The following CCDC171 variants were observed in gnomAD, a reference collection of about 807,000 sequenced individuals.
The protein encoded by CCDC171 is coiled-coil domain-containing protein 171.
A neutral mutation model predicts 168.2 loss-of-function variants in CCDC171; 177 were observed. That is an observed-to-expected ratio of 1.05 (90% confidence interval 0.93 to 1.19). The LOEUF (loss-of-function observed/expected upper bound fraction) is 1.19, where lower values mean the gene tolerates loss of function less well. Ranked by LOEUF, CCDC171 falls within the 50% of genes most tolerant of loss-of-function variation. The pLI is 0.00. For synonymous variants in CCDC171, 687 were observed against 540.8 expected, an observed-to-expected ratio of 1.27 and a Z score of -3.75; for missense variants, 1,991 against 1,539.0, an observed-to-expected ratio of 1.29 and a Z score of -4.91.
chr9:15,697,511 A>T lies in CCDC171; in HGVS notation c.1318+2174A>T, dbSNP rs144830346. Among the ~76,000 whole-genome samples, 234 of 152,274 alleles carry T rather than the reference A, an allele frequency of 1.5e-3. 1 individual carries two copies. The highest frequency in any genetic ancestry group is 4.8e-3 in the African/African-American group (198 of 41,546). On this transcript the variant is annotated intron_variant, in intron 11 of 25. Coordinates refer to ENST00000380701, the MANE Select transcript of CCDC171 (RefSeq NM_173550.4). ...CATTCCTCCTATTGGCTTGCATAAA[A>T]CAGCTCTGTGCCTTTATAATGGACT...
chr9:16,009,843 GA>G (rs1009350613), intron 3 of CCDC171, among the ~76,000 whole-genome samples: 15 of 151,906 alleles, frequency 9.9e-5, no homozygotes, highest in African/African-American at 1.9e-4. Flanking sequence ...TAAATTTGAG[GA>G]AAAAAATAAA....
At chr9:15,901,533 A>G (rs1010427617) in intron 24 of CCDC171, among the ~76,000 whole-genome samples, 1 of 152,234 alleles carries the variant, frequency 6.6e-6, no homozygotes, top group Non-Finnish European at 1.5e-5. Flanking sequence ...AAAAGTAAAT[A>G]TACCATAAAA....
chr9:15,811,048 G>GAAAAA (rs1347484007), intron 21 of CCDC171, among the ~76,000 whole-genome samples: 1 of 152,234 alleles, frequency 6.6e-6, no homozygotes, highest in Non-Finnish European at 1.5e-5. Flanking sequence ...TATCATTACA[G>GAAAAA]AAAATTCTGT....
At chr9:16,057,171 T>A (rs1833854220) in intron 1 of CCDC171, among the ~76,000 whole-genome samples, 2 of 152,308 alleles carry the variant, frequency 1.3e-5, no homozygotes, top group East Asian at 3.9e-4. Flanking sequence ...TCATATCATG[T>A]GAGTAATGTT....
intron 6 of CCDC171, among the ~76,000 whole-genome samples, chr9:15,608,336 C>T (rs762609837): frequency 1.3e-5 from 2 of 152,194 alleles, no homozygotes; most frequent in African/African-American, 2.4e-5. Flanking sequence ...TTATTACAGA[C>T]AGTGATTCCA....
At chr9:15,588,873 A>G (rs2041783241) in intron 4 of CCDC171, among the ~76,000 whole-genome samples, 1 of 151,442 alleles carries the variant, frequency 6.6e-6, no homozygotes, top group East Asian at 2.0e-4. Flanking sequence ...ACGCCCGGCT[A>G]ATTTTTTGTA....
chr9:15,897,538 T>A (rs2891008), intron 24 of CCDC171, among the ~76,000 whole-genome samples: 74,388 of 151,932 alleles, frequency 0.49, 19,730 homozygotes, highest in East Asian at 0.8. Context: ...TGAAGTTCTT[T>A]TATTTGAAAT....
intron 25 of CCDC171, among the ~76,000 whole-genome samples, chr9:15,946,552 T>A (rs1828409833): frequency 6.6e-6 from 1 of 152,020 alleles, no homozygotes; most frequent in South Asian, 2.1e-4. Flanking sequence ...CATTCCATGC[T>A]CATGGGTAGG....
intron 1 of CCDC171, among the ~76,000 whole-genome samples, chr9:16,048,490 AC>A (rs1455584034): frequency 6.6e-6 from 1 of 152,146 alleles, no homozygotes; most frequent in Non-Finnish European, 1.5e-5. Context: ...TACTTCAGTA[AC>A]AGTGACAACC....
intron 3 of CCDC171, among the ~76,000 whole-genome samples, chr9:16,008,045 A>G (rs937553263): frequency 6.6e-6 from 1 of 152,126 alleles, no homozygotes. Context: ...TTACTTCTTT[A>G]TAGTGTCCTT....
intron 3 of CCDC171, among the ~76,000 whole-genome samples, chr9:16,003,591 G>T (rs1832615894): frequency 6.6e-6 from 1 of 152,152 alleles, no homozygotes; most frequent in Admixed American, 6.5e-5. Context: ...CACATTTTCT[G>T]AATATATAAA....
In CCDC171 at chr9:15,749,680, G is replaced by A. The variant is rs1245412840; in HGVS notation, c.2671+4049G>A. On this transcript the variant is annotated intron_variant, in intron 18 of 25. Transcript: ENST00000380701. Reference sequence around the variant, plus strand: ...AGGATTAAGAAACTCACTCTAAACCGCTCAACTACATGGAAACTGAACAAC... The same window carrying A: ...AGGATTAAGAAACTCACTCTAAACCACTCAACTACATGGAAACTGAACAAC... 3.3e-5 allele frequency among the ~76,000 whole-genome samples: 5 copies of A among 152,204 alleles called. No homozygotes were observed. In the East Asian group the frequency reaches 5.8e-4, roughly 18 times the overall value.
chr9:16,048,784 A>G (rs1361505755), intron 1 of CCDC171, among the ~76,000 whole-genome samples: 1 of 152,140 alleles, frequency 6.6e-6, no homozygotes, highest in Non-Finnish European at 1.5e-5. Flanking sequence ...CATCCACCTT[A>G]AAGAGTTATT....
At chr9:15,788,299 A>G (rs148911982) in intron 21 of CCDC171, among the ~76,000 whole-genome samples, 541 of 152,320 alleles carry the variant, frequency 3.6e-3, no homozygotes, top group African/African-American at 0.012. Flanking sequence ...TACTTAAGTT[A>G]CAGGATGTTT....
chr9:16,072,589 A>G, the CCDC171 span, among the ~76,000 whole-genome samples: 1 of 152,116 alleles, frequency 6.6e-6, no homozygotes, highest in African/African-American at 2.4e-5. Context: ...TGGCTCCTTC[A>G]CATGGCACAC....
chr9:16,004,010 G>T (rs2132958706), intron 3 of CCDC171, among the ~76,000 whole-genome samples: 1 of 152,280 alleles, frequency 6.6e-6, no homozygotes, highest in Non-Finnish European at 1.5e-5. Context: ...TCACTGCAGG[G>T]GATCGGCATT....
chr9:15,719,128 CAAAG>C (rs1338136351), intron 11 of CCDC171, among the ~76,000 whole-genome samples: 1 of 151,002 alleles, frequency 6.6e-6, no homozygotes, highest in Non-Finnish European at 1.5e-5. Flanking sequence ...ATAAATTTAA[CAAAG>C]AGACTGAAAT....
chr9:16,007,579 G>C (rs528533668), intron 3 of CCDC171, among the ~76,000 whole-genome samples: 13 of 152,300 alleles, frequency 8.5e-5, no homozygotes, highest in African/African-American at 3.1e-4. Context: ...TAATATGTAA[G>C]TCTTTAATCC....
chr9:15,591,616 C>G (rs931847840), intron 5 of CCDC171, 60 bp downstream of exon 5: 4 of 925,090 alleles, frequency 4.3e-6, no homozygotes, highest in African/African-American at 3.4e-5. Context: ...ATGTGTTGTA[C>G]ATTACTTGAA....
Sources: allele counts gnomAD v4.1 joint callset (sites outside exome capture counted in the v4.1 genomes callset), GRCh38; gene constraint gnomAD v4.1.1; transcripts MANE v1.5; gene names NCBI Gene and HGNC (gene_info 2026-07-23, HGNC 2026-07-21).